ARFGAP3: variants seen among roughly 807,000 people sequenced by gnomAD.
The protein encoded by ARFGAP3 is ARF GTPase activating protein 3.
A neutral mutation model predicts 75.0 loss-of-function variants in ARFGAP3; 72 were observed. That is an observed-to-expected ratio of 0.96 (90% CI 0.79 to 1.17). The LOEUF (loss-of-function observed/expected upper bound fraction) is 1.17, where lower values mean the gene tolerates loss of function less well. ARFGAP3 is among the 50% of genes most tolerant of loss of function. ARFGAP3 has a pLI of 0.00. For missense variants in ARFGAP3, 620 were observed against 626.6 expected (o/e 0.99, Z 0.11); for synonymous variants, 221 against 217.9 (o/e 1.01, Z -0.13).
At chr22:42,850,571 C>CAAAAAAA (rs57841993) in intron 1 of ARFGAP3, among the ~76,000 whole-genome samples, 1 of 57,586 alleles carries the variant, frequency 1.7e-5, no homozygotes, top group African/African-American at 6.7e-5. Context: ...ACCCTGCTAT[C>CAAAAAAA]AAAAAAAAAA....
At chr22:42,849,585 A>G (rs1300230034) in intron 1 of ARFGAP3, among the ~76,000 whole-genome samples, 3 of 144,290 alleles carry the variant, frequency 2.1e-5, no homozygotes, top group Non-Finnish European at 4.5e-5. Flanking sequence ...TTTTAAAGAG[A>G]CAAGGTCTGG....
At chr22:42,798,149 A>C (rs1357746138) in intron 15 of ARFGAP3, among the ~76,000 whole-genome samples, 6 of 152,248 alleles carry the variant, frequency 3.9e-5, no homozygotes, top group Non-Finnish European at 7.3e-5. Context: ...TAGCTGACCT[A>C]AGGGACATGA....
chr22:42,817,763 C>G lies in ARFGAP3; in HGVS notation c.907G>C (p.Asp303His). Residue 303 changes from aspartate to histidine, a missense_variant, in exon 10 of 16, where the codon GAC (aspartate) becomes CAC (histidine). Asp to His is a moderately conservative substitution (Grantham distance 81). Coordinates refer to ENST00000263245, the MANE Select transcript of ARFGAP3 (RefSeq NM_014570.5). ...NISGKKNVDS[D>H]RLGMGFGNCR... The stretch of plus-strand genomic sequence containing the variant: ...TTTCCAAATCCCATGCCGAGTCTGT[C>G]TGAGTCAACATTTTTTTTGCCACTA... The G allele has an allele frequency of 3.1e-6, 5 of 1,613,484 alleles. No individual in the cohort carries two copies. Among genetic ancestry groups the G allele is most frequent in the Non-Finnish European group, 4.2e-6 (5 of 1,179,780 alleles).
intron 11 of ARFGAP3, among the ~76,000 whole-genome samples, chr22:42,816,242 A>G (rs1301197657): frequency 4.6e-5 from 7 of 152,360 alleles, no homozygotes; most frequent in African/African-American, 1.7e-4. Context: ...TAGCATTCGC[A>G]GTATCTCATT....
rs1432585559 is a variant in ARFGAP3, at chr22:42,831,570, T to C, written c.544A>G (p.Thr182Ala). 1 of 1,613,848 alleles carries C rather than the reference T, an allele frequency of 6.2e-7. No individual in the cohort carries two copies. The highest frequency in any genetic ancestry group is 8.5e-7 in the Non-Finnish European group (1 of 1,179,932). Residue 182 changes from threonine to alanine, a missense_variant, in exon 6 of 16, where the codon ACC (threonine) becomes GCC (alanine). Thr to Ala is a moderately conservative substitution (Grantham distance 58). Transcript: ENST00000263245. ...PSSLTSRPVE[T>A]TLENNEGGQE... ...CCACCTTCATTATTTTCCAAAGTGG[T>C]TTCCACAGGCCTTGATGTTAAAGAA... is the stretch of plus-strand genomic sequence containing the variant.
At chr22:42,839,382 T>G (rs1926679281) in intron 3 of ARFGAP3, among the ~76,000 whole-genome samples, 1 of 151,966 alleles carries the variant, frequency 6.6e-6, no homozygotes, top group Admixed American at 6.6e-5. Context: ...GCAGATCACT[T>G]GAGGTCAGGA....
chr22:42,805,670 G>A (rs1925086206), intron 14 of ARFGAP3, among the ~76,000 whole-genome samples: 1 of 152,150 alleles, frequency 6.6e-6, no homozygotes, highest in South Asian at 2.1e-4. Flanking sequence ...AGGGAAACGA[G>A]GCCCCTCTGC....
At chr22:42,800,532 AAAAC>A (rs1924810392) in intron 14 of ARFGAP3, among the ~76,000 whole-genome samples, 3 of 152,108 alleles carry the variant, frequency 2.0e-5, no homozygotes, top group Admixed American at 6.5e-5. Context: ...CCCCATCTCA[AAAAC>A]AAAAACAGAA....
Position 42,823,644 on chromosome 22 carries a change from C to T in ARFGAP3, c.672+12G>A, listed in dbSNP as rs569142693. The T allele has an allele frequency of 2.3e-5, 36 of 1,543,170 alleles. No individual in the cohort carries two copies. Among genetic ancestry groups the T allele is most frequent in the Non-Finnish European group, 3.0e-5 (34 of 1,134,434 alleles). On this transcript the variant is annotated intron_variant, in intron 8 of 15. Coordinates refer to ENST00000263245, the MANE Select transcript of ARFGAP3 (RefSeq NM_014570.5). ...CTACCAGATTTTTATATATAAAGTA[C>T]ATAATACTCACGCCTTTTTTAGCTT...
At chr22:42,812,913 T>C (rs1418034988) in intron 11 of ARFGAP3, among the ~76,000 whole-genome samples, 1 of 152,242 alleles carries the variant, frequency 6.6e-6, no homozygotes, top group Non-Finnish European at 1.5e-5. Context: ...GGATCTGTAC[T>C]GCACCCAGGC....
At chr22:42,817,898 C>T (rs749814784) in intron 9 of ARFGAP3, 41 bp from the exon 10 acceptor site, 1 of 1,472,600 alleles carries the variant, frequency 6.8e-7, no homozygotes, top group Non-Finnish European at 9.1e-7. Flanking sequence ...AGCTTTAATC[C>T]TTTGTTCTTA....
At chr22:42,804,052 C>A (rs963821165) in intron 14 of ARFGAP3, among the ~76,000 whole-genome samples, 7 of 151,256 alleles carry the variant, frequency 4.6e-5, no homozygotes, top group African/African-American at 1.7e-4. Flanking sequence ...TACAGGTGTG[C>A]ACCACCATGC....
chr22:42,857,203 G>A lies in ARFGAP3; in HGVS notation c.-21C>T. ...CCCATCGTCAGCTGTGAGCCGCGGCGCAGCTGGCCCAGCCAACCGGTAAGA... is the reference window on the plus strand; with the variant it reads ...CCCATCGTCAGCTGTGAGCCGCGGCACAGCTGGCCCAGCCAACCGGTAAGA... On this transcript the variant is annotated 5_prime_UTR_variant, in exon 1 of 16. Coordinates refer to ENST00000263245, the MANE Select transcript of ARFGAP3 (RefSeq NM_014570.5). The A allele has an allele frequency of 6.6e-7, 1 of 1,506,248 alleles. No homozygotes were observed. Among genetic ancestry groups the A allele is most frequent in the Non-Finnish European group, 8.9e-7 (1 of 1,124,496 alleles). 93.3% of individuals were successfully genotyped at this position (1,506,248 alleles called of 1,614,324 possible). A position where few individuals can be genotyped will look rare whatever the true frequency, so the allele number is the denominator to read the frequency against.
At chr22:42,809,423 C>G (rs1482822022) in intron 12 of ARFGAP3, among the ~76,000 whole-genome samples, 1 of 152,082 alleles carries the variant, frequency 6.6e-6, no homozygotes, top group Non-Finnish European at 1.5e-5. Context: ...TGAGTCTTCC[C>G]CAAGTGTACT....
chr22:42,805,731 G>T (rs1392154461), intron 14 of ARFGAP3, among the ~76,000 whole-genome samples: 1 of 152,216 alleles, frequency 6.6e-6, no homozygotes, highest in Non-Finnish European at 1.5e-5. Flanking sequence ...GAGTGGCTCA[G>T]GGGAGCCGTG....
intron 1 of ARFGAP3, among the ~76,000 whole-genome samples, chr22:42,850,204 A>G (rs1239269599): frequency 6.6e-6 from 1 of 152,068 alleles, no homozygotes; most frequent in Non-Finnish European, 1.5e-5. Flanking sequence ...TTTATAACTC[A>G]TTAAACTCCG....
intron 1 of ARFGAP3, among the ~76,000 whole-genome samples, chr22:42,856,478 G>C (rs1321686943): frequency 6.6e-6 from 1 of 152,100 alleles, no homozygotes; most frequent in Non-Finnish European, 1.5e-5. Context: ...AAAAGTTCCA[G>C]GGAGAGAACA....
intron 7 of ARFGAP3, 61 bp from the exon 8 acceptor site, chr22:42,823,763 G>C: frequency 7.2e-7 from 1 of 1,398,270 alleles, no homozygotes; most frequent in Non-Finnish European, 9.6e-7. Flanking sequence ...TTTTTAGTGT[G>C]TCTTTTAAAA....
At chr22:42,832,982 G>A (rs1276603686) in intron 5 of ARFGAP3, among the ~76,000 whole-genome samples, 5 of 148,398 alleles carry the variant, frequency 3.4e-5, no homozygotes, top group Admixed American at 2.7e-4. Context: ...GGAAAACTCC[G>A]TCTTTAAAAA....
Sources: gnomAD v4.1 joint callset for allele counts (sites outside exome capture counted in the v4.1 genomes callset) on GRCh38, gnomAD v4.1.1 for gene constraint, MANE v1.5 for transcripts, NCBI Gene and HGNC (gene_info 2026-07-23, HGNC 2026-07-21) for gene names.